Variants in MAP3K5 observed in about 807,000 individuals in gnomAD.
MAP3K5 encodes the protein ASK-1.
MAP3K5 carries 56 observed loss-of-function variants against 158.7 expected under a neutral mutation model. That is an observed-to-expected ratio of 0.35 (90% confidence interval 0.28 to 0.44). The LOEUF (loss-of-function observed/expected upper bound fraction) is 0.44, where lower values mean the gene tolerates loss of function less well. Among genes scored for constraint, MAP3K5 ranks in the 20% least tolerant of loss-of-function variants. The pLI, the probability that MAP3K5 is intolerant of heterozygous loss-of-function variation, is 1.00. For missense variants in MAP3K5, 1,294 were observed against 1,674.8 expected, an observed-to-expected ratio of 0.77 and a Z score of 3.97; for synonymous variants, 579 against 601.7, an observed-to-expected ratio of 0.96 and a Z score of 0.55.
At chr6:136,599,410 G>A (rs928413448) in intron 21 of MAP3K5, among the ~76,000 whole-genome samples, 3 of 152,036 alleles carry the variant, frequency 2.0e-5, no homozygotes, top group Non-Finnish European at 4.4e-5. Flanking sequence ...GGTTTACACC[G>A]TCCATCTCAC....
intron 23 of MAP3K5, among the ~76,000 whole-genome samples, chr6:136,585,601 G>A (rs891781363): frequency 6.6e-6 from 1 of 151,806 alleles, no homozygotes; most frequent in African/African-American, 2.4e-5. Context: ...CCAACTTCAA[G>A]TGATTCTCCT....
At chr6:136,585,473 C>CTTTCTTTATTTA (rs562356592) in intron 23 of MAP3K5, among the ~76,000 whole-genome samples, 12 of 135,146 alleles carry the variant, frequency 8.9e-5, no homozygotes, top group African/African-American at 2.4e-4. Flanking sequence ...CTTTTCTTTT[C>CTTTCTTTATTTA]TTTATTTATT....
At chr6:136,707,300 C>A (rs910278461) in intron 2 of MAP3K5, among the ~76,000 whole-genome samples, 2 of 152,194 alleles carry the variant, frequency 1.3e-5, no homozygotes, top group Non-Finnish European at 2.9e-5. Context: ...ATGACAGAGA[C>A]AGCAAGGGCT....
rs1313706173 is a variant in MAP3K5 at position 136,585,107 on chromosome 6, T to TG, written c.3226-1368_3226-1367insC. ...TCTCAAAATGATTTTTTCTTTTTGTTTTTTTTTTTTTGTTTTTTTTTAAGA... is the reference window on the plus strand; with the variant it reads ...TCTCAAAATGATTTTTTCTTTTTGTTGTTTTTTTTTTTGTTTTTTTTTAAGA... On this transcript the variant is annotated intron_variant, in intron 23 of 29. Coordinates refer to ENST00000359015, the MANE Select transcript of MAP3K5 (RefSeq NM_005923.4). Among the ~76,000 whole-genome samples the TG allele has an allele frequency of 9.4e-5, 10 of 106,912 alleles. No individual in the cohort carries two copies. In the East Asian group the frequency reaches 3.9e-3, roughly 41 times the overall value. 70.1% of individuals were successfully genotyped at this position (106,912 alleles called of 152,430 possible).
chr6:136,619,063 A>G (rs576928898), intron 15 of MAP3K5, among the ~76,000 whole-genome samples: 3 of 152,286 alleles, frequency 2.0e-5, no homozygotes, highest in Non-Finnish European at 2.9e-5. Flanking sequence ...GGACTGACAT[A>G]TGGAGCCTGG....
In MAP3K5 at chr6:136,791,620, T is replaced by A. The variant is rs901705444; in HGVS notation, c.448+90A>T. On this transcript the variant is annotated intron_variant, in intron 1 of 29. Coordinates refer to ENST00000359015, the MANE Select transcript of MAP3K5 (RefSeq NM_005923.4). Reference sequence around the variant, plus strand: ...CCAAAGTGGGGCAAGAAGTAAATGCTTCCCGCCCAGAAAAATGAAATGCCC... The same window carrying A: ...CCAAAGTGGGGCAAGAAGTAAATGCATCCCGCCCAGAAAAATGAAATGCCC... 4 of 1,432,952 alleles carry A rather than the reference T, an allele frequency of 2.8e-6. No individual in the cohort carries two copies. The African/African-American group carries it at 5.6e-5, about 20-fold the overall frequency. The allele number at this position is 1,432,952 out of a possible 1,614,324, so 88.8% of individuals were successfully genotyped here. A position where few individuals can be genotyped will look rare whatever the true frequency, so the allele number is the denominator to read the frequency against.
chr6:136,777,914 G>A (rs1286673951), intron 1 of MAP3K5, among the ~76,000 whole-genome samples: 9 of 152,166 alleles, frequency 5.9e-5, no homozygotes, highest in East Asian at 1.9e-4. Flanking sequence ...TATGTAACAC[G>A]GGTGAGAAAA....
chr6:136,646,407 C>T (rs955559715), intron 11 of MAP3K5, among the ~76,000 whole-genome samples: 2 of 152,050 alleles, frequency 1.3e-5, no homozygotes, highest in African/African-American at 4.8e-5. Flanking sequence ...AGAATGAAAA[C>T]GAGGCTCACT....
intron 1 of MAP3K5, among the ~76,000 whole-genome samples, chr6:136,730,556 C>A (rs1042694113): frequency 6.6e-6 from 1 of 151,672 alleles, no homozygotes; most frequent in Non-Finnish European, 1.5e-5. Context: ...CCCGTCTCCA[C>A]TAAAAACACA....
chr6:136,760,128 T>A (rs1272957065), intron 1 of MAP3K5, among the ~76,000 whole-genome samples: 1 of 152,238 alleles, frequency 6.6e-6, no homozygotes, highest in Non-Finnish European at 1.5e-5. Flanking sequence ...TCCTCTGTCA[T>A]CTTGTGGAGA....
chr6:136,602,067 T>C (rs989130050), intron 19 of MAP3K5, 88 bp from the exon 20 acceptor site: 81 of 971,798 alleles, frequency 8.3e-5, no homozygotes, highest in Admixed American at 8.8e-5. Flanking sequence ...GACCCCCCAA[T>C]GCAACAAGAT....
intron 26 of MAP3K5, among the ~76,000 whole-genome samples, chr6:136,564,889 A>G (rs1013889824): frequency 1.1e-4 from 17 of 152,194 alleles, no homozygotes; most frequent in African/African-American, 3.6e-4. Flanking sequence ...TGAGTGTTCA[A>G]ATAAGGTGAA....
At chr6:136,765,484 A>G (rs1307619158) in intron 1 of MAP3K5, among the ~76,000 whole-genome samples, 1 of 151,286 alleles carries the variant, frequency 6.6e-6, no homozygotes, top group Non-Finnish European at 1.5e-5. Flanking sequence ...TTATGTATTT[A>G]TTTTTTATTT....
chr6:136,575,319 G>T (rs1774566477), intron 25 of MAP3K5, among the ~76,000 whole-genome samples: 1 of 151,668 alleles, frequency 6.6e-6, no homozygotes, highest in Non-Finnish European at 1.5e-5. Flanking sequence ...ATGCTGCCAT[G>T]CCTGACTTAT....
chr6:136,757,579 A>ATTTATTTTTTTTTT (rs1562679137), intron 1 of MAP3K5, among the ~76,000 whole-genome samples: 2 of 111,960 alleles, frequency 1.8e-5, no homozygotes, highest in Non-Finnish European at 3.9e-5. Context: ...TTATTTATTT[A>ATTTATTTTTTTTTT]TTTTTTATTT....
At chr6:136,674,894 C>A (rs552549920) in intron 7 of MAP3K5, among the ~76,000 whole-genome samples, 1 of 150,254 alleles carries the variant, frequency 6.7e-6, no homozygotes, top group Admixed American at 6.7e-5. Flanking sequence ...GCAAATATTC[C>A]CAAATTCAAA....
intron 11 of MAP3K5, among the ~76,000 whole-genome samples, chr6:136,642,871 TA>T (rs567464626): frequency 2.0e-5 from 3 of 152,226 alleles, no homozygotes; most frequent in Non-Finnish European, 2.9e-5. Flanking sequence ...AATTTTTAAG[TA>T]AAAAAAGTCA....
At chr6:136,560,544 G>T (rs1483241148) in intron 28 of MAP3K5, among the ~76,000 whole-genome samples, 1 of 152,084 alleles carries the variant, frequency 6.6e-6, no homozygotes, top group African/African-American at 2.4e-5. Context: ...GGTAAAATAT[G>T]GTTTGTATAG....
intron 1 of MAP3K5, among the ~76,000 whole-genome samples, chr6:136,779,973 T>G (rs963478186): frequency 1.3e-5 from 2 of 152,128 alleles, no homozygotes; most frequent in Non-Finnish European, 2.9e-5. Flanking sequence ...GTCCTTTAAG[T>G]CAGGTTGAGT....
Sources: allele counts gnomAD v4.1 joint callset (sites outside exome capture counted in the v4.1 genomes callset), GRCh38; gene constraint gnomAD v4.1.1; transcripts MANE v1.5; gene names NCBI Gene and HGNC (gene_info 2026-07-23, HGNC 2026-07-21).